ROR2: variants seen among roughly 807,000 people sequenced by gnomAD.
ROR2 encodes the protein tyrosine-protein kinase transmembrane receptor ROR2.
A neutral mutation model predicts 74.9 loss-of-function variants in ROR2; 33 were observed. The observed-to-expected ratio is 0.44, with a 90% confidence interval of 0.33 to 0.59. The LOEUF (loss-of-function observed/expected upper bound fraction) is 0.59, where lower values mean the gene tolerates loss of function less well. ROR2 is among the 20% of genes least tolerant of loss of function. ROR2 has a pLI of 0.02. For synonymous variants in ROR2, 586 were observed against 558.7 expected, an observed-to-expected ratio of 1.05 and a Z score of -0.69; for missense variants, 1,216 against 1,313.8, an observed-to-expected ratio of 0.93 and a Z score of 1.15.
chr9:91,826,574 G>C (rs978255546), intron 1 of ROR2, among the ~76,000 whole-genome samples: 75 of 152,208 alleles, frequency 4.9e-4, no homozygotes, highest in African/African-American at 1.7e-3. Context: ...AAGGTCAGGA[G>C]ATCGAGACCA....
At chr9:91,818,302 T>C (rs1587748652) in intron 1 of ROR2, among the ~76,000 whole-genome samples, 1 of 152,338 alleles carries the variant, frequency 6.6e-6, no homozygotes, top group South Asian at 2.1e-4. Flanking sequence ...GCTAAATGTC[T>C]TTCATTCAGG....
chr9:91,879,102 A>G (rs1168936541), intron 1 of ROR2, among the ~76,000 whole-genome samples: 2 of 152,228 alleles, frequency 1.3e-5, no homozygotes, highest in Admixed American at 6.5e-5. Context: ...TCCAAACAAC[A>G]TTGTTCCCAA....
At chr9:91,944,400 G>C (rs571935208) in intron 1 of ROR2, among the ~76,000 whole-genome samples, 1 of 152,144 alleles carries the variant, frequency 6.6e-6, no homozygotes, top group Non-Finnish European at 1.5e-5. Context: ...AATAATAAAA[G>C]GCATCCAAAT....
At chr9:91,859,463 G>C (rs915364190) in intron 1 of ROR2, among the ~76,000 whole-genome samples, 5 of 152,162 alleles carry the variant, frequency 3.3e-5, no homozygotes, top group Non-Finnish European at 7.3e-5. Context: ...AAGGCGGCAA[G>C]GGTATTTTTT....
At chr9:91,837,083 G>C (rs958485782) in intron 1 of ROR2, among the ~76,000 whole-genome samples, 1 of 151,972 alleles carries the variant, frequency 6.6e-6, no homozygotes, top group South Asian at 2.1e-4. Context: ...AAGTTCACTC[G>C]AGATGTGTAC....
In ROR2 at chr9:91,733,506, C is replaced by T. The variant is rs1404080740; in HGVS notation, c.623-70G>A. ...GCCCTTGACATTCATCCAGTCCCCA[C>T]CCCCAGCCTGGCATCCCAGACTGCC... On this transcript the variant is annotated intron_variant, in intron 5 of 8. Coordinates refer to ENST00000375708, the MANE Select transcript of ROR2 (RefSeq NM_004560.4). The surrounding 1 kb of genome is among the most constrained non-coding windows in gnomAD (Gnocchi z 5.7). 1 of 1,492,562 alleles carries T rather than the reference C, an allele frequency of 6.7e-7. No individual in the cohort carries two copies. The highest frequency in any genetic ancestry group is 1.9e-5 in the Admixed American group (1 of 51,440). The allele number at this position is 1,492,562 out of a possible 1,614,324, so 92.5% of individuals were successfully genotyped here.
At chr9:91,822,594 C>A (rs1828169161) in intron 1 of ROR2, among the ~76,000 whole-genome samples, 1 of 152,144 alleles carries the variant, frequency 6.6e-6, no homozygotes, top group Non-Finnish European at 1.5e-5. Context: ...CATTTTGCAA[C>A]CTGCCATAAA....
intron 1 of ROR2, among the ~76,000 whole-genome samples, chr9:91,947,900 A>G (rs1289113315): frequency 6.6e-6 from 1 of 152,218 alleles, no homozygotes; most frequent in Admixed American, 6.5e-5. Flanking sequence ...ATTATTTTGA[A>G]TAAAAATTAT....
At position 91,733,450 on chromosome 9, in the gene ROR2, G is replaced by C; in HGVS notation, c.623-14C>G. 1.2e-6 allele frequency: 2 copies of C among 1,607,532 alleles called. No individual in the cohort carries two copies. Among genetic ancestry groups the C allele is most frequent in the Non-Finnish European group, 1.7e-6 (2 of 1,178,606 alleles). On this transcript the variant is annotated splice_polypyrimidine_tract_variant and intron_variant, in intron 5 of 8. Transcript: ENST00000375708. The surrounding 1 kb of genome is among the most constrained non-coding windows in gnomAD (Gnocchi z 5.7). ...TGGTGAAGGCCGCTGCAGAGCCCGC[G>C]AGACTCGCGTTAGCGGGGGACCCAC...
At chr9:91,884,985 C>T (rs1830230057) in intron 1 of ROR2, among the ~76,000 whole-genome samples, 1 of 152,172 alleles carries the variant, frequency 6.6e-6, no homozygotes, top group Non-Finnish European at 1.5e-5. Context: ...TGCAAGCTTA[C>T]AAAGCCTTAA....
intron 1 of ROR2, among the ~76,000 whole-genome samples, chr9:91,829,115 A>G (rs553763686): frequency 2.6e-5 from 4 of 152,362 alleles, no homozygotes; most frequent in African/African-American, 9.6e-5. Flanking sequence ...TTAACTAGAC[A>G]TCATGGCACT....
intron 4 of ROR2, among the ~76,000 whole-genome samples, chr9:91,744,311 C>T (rs532907102): frequency 1.5e-3 from 224 of 150,550 alleles, no homozygotes; most frequent in Non-Finnish European, 2.8e-3. Context: ...CTGCCACCTC[C>T]ACCTCCTGGA....
At position 91,950,217 on chromosome 9, in the gene ROR2, G is replaced by C. The variant is rs934338541; in HGVS notation, c.-254C>G. ...TCCCGCCGGCCGCCAGGACGAGCGC[G>C]GGGGGCGGACCGCGGGCGAGCGCGC... On this transcript the variant is annotated 5_prime_UTR_variant, in exon 1 of 9. Transcript: ENST00000375708. 1.7e-5 allele frequency: 4 copies of C among 240,356 alleles called. No individual in the cohort carries two copies. The highest frequency in any genetic ancestry group is 3.2e-5 in the Non-Finnish European group (4 of 126,336). The allele number at this position is 240,356 out of a possible 1,614,324, so 14.9% of individuals were successfully genotyped here.
At chr9:91,727,616 C>G (rs1837088200) in intron 7 of ROR2, among the ~76,000 whole-genome samples, 1 of 152,164 alleles carries the variant, frequency 6.6e-6, no homozygotes, top group African/African-American at 2.4e-5. Context: ...TTTCAGGACG[C>G]TGACCCTAAG....
At chr9:91,785,477 G>A (rs1470769576) in intron 1 of ROR2, among the ~76,000 whole-genome samples, 1 of 152,266 alleles carries the variant, frequency 6.6e-6, no homozygotes, top group African/African-American at 2.4e-5. Context: ...CCAGAGTCTA[G>A]GTGATGGTGG....
intron 1 of ROR2, among the ~76,000 whole-genome samples, chr9:91,811,661 A>T (rs963015004): frequency 1.1e-4 from 16 of 152,174 alleles, no homozygotes; most frequent in African/African-American, 3.6e-4. Context: ...CTGGCCACAG[A>T]CACCCAGGGC....
At chr9:91,881,057 C>A (rs966776478) in intron 1 of ROR2, among the ~76,000 whole-genome samples, 2 of 152,140 alleles carry the variant, frequency 1.3e-5, no homozygotes, top group African/African-American at 2.4e-5. Context: ...ATCTTGCCAG[C>A]CGCTTACTTT....
At chr9:91,771,822 G>C (rs1826238617) in intron 2 of ROR2, among the ~76,000 whole-genome samples, 1 of 152,068 alleles carries the variant, frequency 6.6e-6, no homozygotes, top group Non-Finnish European at 1.5e-5. Flanking sequence ...CTAATTCTTA[G>C]ATTCGCTTTT....
intron 1 of ROR2, among the ~76,000 whole-genome samples, chr9:91,862,503 C>A (rs1175740633): frequency 6.6e-6 from 1 of 151,826 alleles, no homozygotes; most frequent in Non-Finnish European, 1.5e-5. Context: ...ACAGAAGACA[C>A]ATGTAAAAAT....
Sources: gnomAD v4.1 joint callset for allele counts (sites outside exome capture counted in the v4.1 genomes callset) on GRCh38, gnomAD v4.1.1 for gene constraint, Gnocchi (gnomAD v3.1) non-coding constraint, MANE v1.5 for transcripts, NCBI Gene and HGNC (gene_info 2026-07-23, HGNC 2026-07-21) for gene names.